MIA2: variants seen among roughly 807,000 people sequenced by gnomAD.
The protein encoded by MIA2 is melanoma inhibitory activity protein 2.
In MIA2, 127 loss-of-function variants were observed where a neutral mutation model predicts 167.8. That is an observed-to-expected ratio of 0.76 (90% confidence interval 0.66 to 0.88). MIA2 has a LOEUF of 0.88. Ranked by LOEUF, MIA2 falls within the 40% of genes least tolerant of loss-of-function variation. The pLI, the probability that MIA2 is intolerant of heterozygous loss-of-function variation, is 0.00. For missense variants in MIA2, 1,690 were observed against 1,624.7 expected, an observed-to-expected ratio of 1.04 and a Z score of -0.69; for synonymous variants, 552 against 541.9, an observed-to-expected ratio of 1.02 and a Z score of -0.26.
chr14:39,352,520 T>C (rs1410272787), downstream of MIA2, among the ~76,000 whole-genome samples: 1 of 151,988 alleles, frequency 6.6e-6, no homozygotes, highest in Non-Finnish European at 1.5e-5. Flanking sequence ...GGTATGAAAT[T>C]GTAGGTCAGA....
At chr14:39,248,744 C>T (rs2054420663) in intron 4 of MIA2, among the ~76,000 whole-genome samples, 1 of 146,982 alleles carries the variant, frequency 6.8e-6, no homozygotes, top group South Asian at 2.1e-4. Context: ...CTAAGGGAAA[C>T]TTTTTTTTTT....
intron 19 of MIA2, among the ~76,000 whole-genome samples, chr14:39,313,759 TCCTC>T (rs910277165): frequency 3.3e-5 from 5 of 152,260 alleles, no homozygotes; most frequent in Admixed American, 2.6e-4. Context: ...TTAAGGTCCT[TCCTC>T]ATTGGTTCAA....
chr14:39,267,604 G>A (rs1316219183), intron 6 of MIA2: 1 of 1,518,118 alleles, frequency 6.6e-7, no homozygotes, highest in Admixed American at 1.9e-5. Flanking sequence ...CCGGCTTTGG[G>A]GTCTAAGCCG....
chr14:39,266,899 C>T, intron 6 of MIA2: 2 of 697,486 alleles, frequency 2.9e-6, no homozygotes, highest in Non-Finnish European at 3.5e-6. Flanking sequence ...GCCGCCACCG[C>T]GGCCGCCCGA....
Position 39,350,164 on chromosome 14 carries a change from C to T in MIA2, c.4139C>T (p.Pro1380Leu). 3 of 1,420,412 alleles carry T rather than the reference C, an allele frequency of 2.1e-6. No individual in the cohort carries two copies. The highest frequency in any genetic ancestry group is 2.9e-6 in the Non-Finnish European group (3 of 1,036,760). 88.0% of individuals were successfully genotyped at this position (1,420,412 alleles called of 1,614,324 possible). ...CCCCCAAGACCTGGATTTTTCCCCCCACCCCCACATTCTGAAGGTAGAAGT... is the reference window on the plus strand; with the variant it reads ...CCCCCAAGACCTGGATTTTTCCCCCTACCCCCACATTCTGAAGGTAGAAGT... ...YLPPRPGFFP[P>L]PPHSEGRSEF... Residue 1380 changes from proline (P) to leucine (L), a missense_variant, in exon 29 of 29, where the codon CCA (proline) becomes CTA (leucine). Pro to Leu is a moderately conservative substitution (Grantham distance 98). Coordinates refer to ENST00000640607, the MANE Select transcript of MIA2 (RefSeq NM_001329214.4).
At chr14:39,382,340 C>T (rs2075182484) in intron 23 of MIA2, among the ~76,000 whole-genome samples, 1 of 152,170 alleles carries the variant, frequency 6.6e-6, no homozygotes, top group African/African-American at 2.4e-5. Flanking sequence ...TGTTAAAGGT[C>T]AGGGGGACCT....
intron 3 of MIA2, among the ~76,000 whole-genome samples, chr14:39,245,472 T>C (rs1010243497): frequency 6.6e-6 from 1 of 152,246 alleles, no homozygotes; most frequent in African/African-American, 2.4e-5. Flanking sequence ...CTGGGCTGCA[T>C]GCAGCCTGTA....
intron 23 of MIA2, among the ~76,000 whole-genome samples, chr14:39,360,747 T>C (rs1185770148): frequency 1.3e-5 from 2 of 152,204 alleles, no homozygotes; most frequent in Non-Finnish European, 2.9e-5. Flanking sequence ...CAATGCCCTA[T>C]AGTGTTCCCC....
At chr14:39,337,263 C>T (rs749195767) in intron 25 of MIA2, among the ~76,000 whole-genome samples, 2 of 152,032 alleles carry the variant, frequency 1.3e-5, no homozygotes, top group Non-Finnish European at 2.9e-5. Flanking sequence ...GTGTGTATGC[C>T]AACAGCAGCT....
At chr14:39,368,694 T>TA (rs148917062) in intron 23 of MIA2, among the ~76,000 whole-genome samples, 1 of 151,512 alleles carries the variant, frequency 6.6e-6, no homozygotes, top group Non-Finnish European at 1.5e-5. Context: ...TTTTTGTTTT[T>TA]TTTTTTGGTA....
intron 23 of MIA2, among the ~76,000 whole-genome samples, chr14:39,359,612 A>G (rs1228868030): frequency 1.3e-5 from 2 of 152,140 alleles, no homozygotes; most frequent in African/African-American, 4.8e-5. Flanking sequence ...CCTCTATTGG[A>G]AATGCAGAAA....
chr14:39,369,089 T>TG (rs1033301177), intron 23 of MIA2, among the ~76,000 whole-genome samples: 4 of 152,216 alleles, frequency 2.6e-5, no homozygotes, highest in African/African-American at 9.6e-5. Flanking sequence ...TTTTTTTAAA[T>TG]GTAAGATGGA....
In MIA2 at chr14:39,299,876, G is replaced by T. The variant is rs1360369200; in HGVS notation, c.2509G>T (p.Ala837Ser). 2.5e-6 allele frequency: 4 copies of T among 1,602,978 alleles called. No homozygotes were observed. In the African/African-American group the frequency reaches 4.0e-5, roughly 16 times the overall value. ...QESQKQLLQE[A>S]EVWKEQVSEL... ...TTTTCATTTTCAGCTTTTGCAAGAA[G>T]CTGAAGTATGGAAAGAACAAGTGAG... The change falls in exon 14 of 29, where the codon GCT (alanine) becomes TCT (serine). Residue 837 changes from alanine to serine, a missense_variant. Coordinates refer to ENST00000640607, the MANE Select transcript of MIA2 (RefSeq NM_001329214.4).
intron 6 of MIA2, chr14:39,268,937 C>T (rs2056563038): frequency 1.7e-5 from 15 of 892,658 alleles, no homozygotes; most frequent in Non-Finnish European, 1.9e-5. Context: ...TCCCTTTCTT[C>T]ACTAAAAACA....
intron 22 of MIA2, 47 bp downstream of exon 22, chr14:39,318,058 C>A (rs763772792): frequency 1.5e-6 from 2 of 1,359,330 alleles, no homozygotes; most frequent in South Asian, 1.3e-5. Flanking sequence ...TCTGTTATTT[C>A]GTTAATTAGG....
chr14:39,375,352 G>A (rs1180304275), intron 23 of MIA2, among the ~76,000 whole-genome samples: 6 of 152,126 alleles, frequency 3.9e-5, no homozygotes, highest in Non-Finnish European at 8.8e-5. Flanking sequence ...GTTAAATTCA[G>A]CCTGAAATGG....
chr14:39,358,693 T>G (rs2074597773), intron 23 of MIA2, among the ~76,000 whole-genome samples: 1 of 152,188 alleles, frequency 6.6e-6, no homozygotes, highest in South Asian at 2.1e-4. Flanking sequence ...TTATCTACCT[T>G]TGGTCTTTGA....
chr14:39,362,764 A>G (rs1341361605), intron 23 of MIA2, among the ~76,000 whole-genome samples: 1 of 151,828 alleles, frequency 6.6e-6, no homozygotes, highest in Non-Finnish European at 1.5e-5. Context: ...CTTGAGGTGC[A>G]TTGTTAGATT....
At position 39,279,442 on chromosome 14, in the gene MIA2, T is replaced by G. The variant is rs371643419; in HGVS notation, c.2042-7T>G. 1 of 1,604,060 alleles carries G rather than the reference T, an allele frequency of 6.2e-7. No individual in the cohort carries two copies. The highest frequency in any genetic ancestry group is 8.5e-7 in the Non-Finnish European group (1 of 1,177,600). On this transcript the variant is annotated splice_region_variant and splice_polypyrimidine_tract_variant and intron_variant, in intron 8 of 28. Coordinates refer to ENST00000640607, the MANE Select transcript of MIA2 (RefSeq NM_001329214.4). ...TACTCATGGTAATATTGACTTGACT[T>G]TTTTAGGACGAGAGAAAAAGCTTGC... is the stretch of plus-strand genomic sequence containing the variant.
Sources: allele counts gnomAD v4.1 joint callset (sites outside exome capture counted in the v4.1 genomes callset), GRCh38; gene constraint gnomAD v4.1.1; transcripts MANE v1.5; gene names NCBI Gene and HGNC (gene_info 2026-07-23, HGNC 2026-07-21).